Variants in SRSF11 observed in about 807,000 individuals in gnomAD.
SRSF11 encodes serine/arginine-rich splicing factor 11.
A neutral mutation model predicts 56.0 loss-of-function variants in SRSF11; 9 were observed. The ratio of observed to expected loss-of-function variants is 0.16; its 90% CI spans 0.10 to 0.28. SRSF11 has a LOEUF of 0.28. SRSF11 is among the 10% of genes least tolerant of loss of function. The pLI is 1.00. For synonymous variants in SRSF11, 222 were observed against 215.3 expected, an observed-to-expected ratio of 1.03 and a Z score of -0.27; for missense variants, 421 against 600.7, an observed-to-expected ratio of 0.70 and a Z score of 3.13.
At chr1:70,228,576 C>T (rs774189216) in intron 2 of SRSF11, 21 bp downstream of exon 2, 3 of 1,605,184 alleles carry the variant, frequency 1.9e-6, no homozygotes, top group Non-Finnish European at 2.6e-6. Context: ...TGTTTAACTA[C>T]CTATGTGGGC....
intron 1 of SRSF11, among the ~76,000 whole-genome samples, chr1:70,224,216 T>C (rs1202318112): frequency 6.6e-6 from 1 of 152,182 alleles, no homozygotes; most frequent in East Asian, 1.9e-4. Context: ...TTTTGTTATC[T>C]GCAGGGAGTC....
chr1:70,243,336 C>CAAAAAAAAA (rs56098296), intron 7 of SRSF11, among the ~76,000 whole-genome samples: 3 of 32,596 alleles, frequency 9.2e-5, no homozygotes, highest in African/African-American at 1.6e-4. Context: ...TGGTTGGTGG[C>CAAAAAAAAA]AAAAAAAAAA....
intron 1 of SRSF11, among the ~76,000 whole-genome samples, chr1:70,222,520 T>C (rs1670879421): frequency 2.0e-5 from 3 of 152,254 alleles, no homozygotes; most frequent in Admixed American, 2.0e-4. Context: ...TTATCCTTTT[T>C]GTCTCACTTT....
chr1:70,242,253 C>G (rs1675618147), intron 7 of SRSF11, among the ~76,000 whole-genome samples: 1 of 151,598 alleles, frequency 6.6e-6, no homozygotes, highest in African/African-American at 2.4e-5. Flanking sequence ...AATTACTTTA[C>G]TATGACCAGT....
At chr1:70,217,419 A>T (rs925939258), upstream of SRSF11, among the ~76,000 whole-genome samples, 3 of 152,108 alleles carry the variant, frequency 2.0e-5, no homozygotes. Context: ...GGCCTGCCGA[A>T]GTACTTGGAT....
Position 70,234,728 on chromosome 1 carries a change from T to C in SRSF11, c.480T>C (p.Ala160=), listed in dbSNP as rs772285393. 1.2e-6 allele frequency: 2 copies of C among 1,609,682 alleles called. No homozygotes were observed. The highest frequency in any genetic ancestry group is 1.7e-6 in the Non-Finnish European group (2 of 1,177,880). ...IGAVPLAALG[A]PTLDPALAAL... Reference sequence around the variant, plus strand: ...CTGTTCCACTGGCTGCTTTGGGGGCTCCTACTCTTGATCCTGCCCTTGCTG... The same window carrying C: ...CTGTTCCACTGGCTGCTTTGGGGGCCCCTACTCTTGATCCTGCCCTTGCTG... Residue 160 remains alanine, a synonymous_variant, in exon 4 of 12, where the codon GCT becomes GCC. Transcript: ENST00000370949.
chr1:70,221,337 ACGCGCCCTGCGCC>A, upstream of SRSF11: 1 of 382,952 alleles, frequency 2.6e-6, no homozygotes, highest in South Asian at 5.8e-5. Context: ...GCCGACGCTG[ACGCGCCCTGCGCC>A]GCAAAGCATT....
Position 70,249,778 on chromosome 1 carries a change from TG to T in SRSF11, c.1023-172del, listed in dbSNP as rs1199020480. On this transcript the variant is annotated intron_variant, in intron 9 of 11. Transcript: ENST00000370949. ...TTTCACCATGTTGCCCAGGCTGGTC[TG>T]GAACTCCTGGGCTCAAGCAATCCCC... is the stretch of plus-strand genomic sequence containing the variant. The T allele has an allele frequency of 9.9e-6, 6 of 604,082 alleles. No homozygotes were observed. The East Asian group carries it at 1.8e-4, about 18-fold the overall frequency. The allele number at this position is 604,082 out of a possible 1,614,324, so 37.4% of individuals were successfully genotyped here.
At chr1:70,247,554 A>C (rs950231158) in intron 9 of SRSF11, among the ~76,000 whole-genome samples, 2 of 152,104 alleles carry the variant, frequency 1.3e-5, no homozygotes, top group Admixed American at 6.6e-5. Flanking sequence ...ATAAAAAAAA[A>C]TAACTGAAAT....
At chr1:70,221,228 T>G (rs1397723396), upstream of SRSF11, 1 of 184,384 alleles carries the variant, frequency 5.4e-6, no homozygotes, top group Non-Finnish European at 1.1e-5. Context: ...AAAAGAAGAA[T>G]AAAACGAGAG....
upstream of SRSF11, among the ~76,000 whole-genome samples, chr1:70,219,172 A>G (rs967740022): frequency 4.6e-5 from 7 of 152,182 alleles, no homozygotes; most frequent in Admixed American, 1.3e-4. Flanking sequence ...TTAAAAATCC[A>G]AAATCCAAAA....
At chr1:70,222,467 G>A (rs980943596) in intron 1 of SRSF11, among the ~76,000 whole-genome samples, 103 of 152,248 alleles carry the variant, frequency 6.8e-4, no homozygotes, top group African/African-American at 2.4e-3. Context: ...TCTTGAGAAG[G>A]ATTTTTATAA....
chr1:70,248,796 A>C (rs1460132298), intron 9 of SRSF11: 1 of 152,184 alleles, frequency 6.6e-6, no homozygotes, highest in Admixed American at 6.5e-5. Flanking sequence ...GTTGTGCTAC[A>C]GTCTGTTGAA....
intron 6 of SRSF11, 133 bp downstream of exon 6, chr1:70,237,685 G>A (rs1301308316): frequency 6.4e-6 from 8 of 1,245,944 alleles, no homozygotes; most frequent in Non-Finnish European, 8.7e-6. Flanking sequence ...GTATAGTGGA[G>A]TGCCACTCAG....
intron 2 of SRSF11, chr1:70,230,547 A>G (rs1234366526): frequency 1.6e-6 from 2 of 1,272,206 alleles, no homozygotes; most frequent in Admixed American, 5.0e-5. Flanking sequence ...ATTTCTACAC[A>G]TTCATGCAGT....
chr1:70,239,816 C>T (rs917176708), intron 7 of SRSF11, among the ~76,000 whole-genome samples: 3 of 152,072 alleles, frequency 2.0e-5, no homozygotes, highest in African/African-American at 7.2e-5. Flanking sequence ...CAAATACTGA[C>T]TTGTATTTGT....
At chr1:70,225,555 T>G (rs1212318646) in intron 1 of SRSF11, among the ~76,000 whole-genome samples, 1 of 152,164 alleles carries the variant, frequency 6.6e-6, no homozygotes, top group Non-Finnish European at 1.5e-5. Flanking sequence ...AAACCTGAAG[T>G]TCTCGTACGT....
At chr1:70,250,079 T>C (rs1171757061) in intron 10 of SRSF11, 32 bp downstream of exon 10, 1 of 1,571,878 alleles carries the variant, frequency 6.4e-7, no homozygotes, top group South Asian at 1.1e-5. Flanking sequence ...ATGTATTTTT[T>C]ATATTTTTCA....
Position 70,221,424 on chromosome 1 carries a change from G to A in SRSF11, c.-213G>A. 1.7e-6 allele frequency: 1 copy of A among 578,046 alleles called. No homozygotes were observed. The highest frequency in any genetic ancestry group is 2.9e-6 in the Non-Finnish European group (1 of 340,838). The allele number at this position is 578,046 out of a possible 1,614,324, so 35.8% of individuals were successfully genotyped here. A position where few individuals can be genotyped will look rare whatever the true frequency, so the allele number is the denominator to read the frequency against. The stretch of plus-strand genomic sequence containing the variant: ...AGGTGGGGCGGCCGTTTGTTTTCTC[G>A]TGGTCTCGAGCTCGCGCGCTCTCAT... On this transcript the variant is annotated 5_prime_UTR_variant, in exon 1 of 12. It adds an upstream start codon to the 5' untranslated region. Coordinates refer to ENST00000370949, the MANE Select transcript of SRSF11 (RefSeq NM_001350605.2).
Sources: allele counts gnomAD v4.1 joint callset (sites outside exome capture counted in the v4.1 genomes callset), GRCh38; gene constraint gnomAD v4.1.1; transcripts MANE v1.5; gene names NCBI Gene and HGNC (gene_info 2026-07-23, HGNC 2026-07-21).